Variants in TBC1D31 observed in about 807,000 individuals in gnomAD.
The protein encoded by TBC1D31 is TBC1 domain family member 31.
A neutral mutation model predicts 132.9 loss-of-function variants in TBC1D31; 99 were observed. That is an observed-to-expected ratio of 0.74 (90% CI 0.63 to 0.88). The LOEUF is 0.88. TBC1D31 is among the 40% of genes least tolerant of loss of function. TBC1D31 has a pLI of 0.00. For missense variants in TBC1D31, 1,134 were observed against 1,256.6 expected (o/e 0.90, Z 1.48); for synonymous variants, 385 against 419.4 (o/e 0.92, Z 1.00).
rs199949772 is a variant in TBC1D31, at chr8:123,133,968, CTT to C, written c.2407-144_2407-143del. 1.5e-3 allele frequency: 821 copies of C among 535,924 alleles called. 6 individuals carry two copies. The highest frequency in any genetic ancestry group is 0.014 in the African/African-American group (746 of 52,044). 33.2% of individuals were successfully genotyped at this position (535,924 alleles called of 1,614,324 possible). A position where few individuals can be genotyped will look rare whatever the true frequency, so the allele number is the denominator to read the frequency against. ...CCTAGGTTCTGCAGTGAATATTAAT[CTT>C]TGTCTGTTACTCTGGTTTCAAAAAC... is the stretch of plus-strand genomic sequence containing the variant. On this transcript the variant is annotated intron_variant, in intron 16 of 21. Transcript: ENST00000287380.
At chr8:123,132,659 C>G (rs1274487297) in intron 16 of TBC1D31, among the ~76,000 whole-genome samples, 1 of 151,878 alleles carries the variant, frequency 6.6e-6, no homozygotes, top group Admixed American at 6.6e-5. Flanking sequence ...AGTGGTCTGC[C>G]CACCTTGGCC....
the TBC1D31 span, among the ~76,000 whole-genome samples, chr8:123,161,056 G>A: frequency 6.6e-6 from 1 of 152,148 alleles, no homozygotes; most frequent in African/African-American, 2.4e-5. Context: ...GCCGCGCAGG[G>A]AGGCTCCTGC....
Position 123,150,134 on chromosome 8 carries a change from T to C in TBC1D31, c.3067+6T>C, listed in dbSNP as rs140674598. ...AATGGATCCCTCAACACAGAGTAAGTTGATAAGCAAGAAAATGTTATTCTG... is the reference window on the plus strand; with the variant it reads ...AATGGATCCCTCAACACAGAGTAAGCTGATAAGCAAGAAAATGTTATTCTG... On this transcript the variant is annotated splice_donor_region_variant and intron_variant, in intron 21 of 21. Transcript: ENST00000287380. The C allele has an allele frequency of 6.2e-7, 1 of 1,600,408 alleles. No individual in the cohort carries two copies. The highest frequency in any genetic ancestry group is 1.1e-5 in the South Asian group (1 of 90,400).
intron 10 of TBC1D31, among the ~76,000 whole-genome samples, chr8:123,110,491 G>A (rs1474223425): frequency 6.6e-6 from 1 of 152,116 alleles, no homozygotes; most frequent in African/African-American, 2.4e-5. Context: ...AGGTTCCAGA[G>A]CCGAAGACTT....
intron 10 of TBC1D31, among the ~76,000 whole-genome samples, chr8:123,119,105 A>G (rs1278597933): frequency 2.6e-5 from 4 of 152,226 alleles, no homozygotes; most frequent in Admixed American, 6.5e-5. Flanking sequence ...ACGTTGAAGT[A>G]CCATTTCTCA....
At chr8:123,112,358 T>C (rs568080202) in intron 10 of TBC1D31, among the ~76,000 whole-genome samples, 22 of 152,334 alleles carry the variant, frequency 1.4e-4, no homozygotes, top group African/African-American at 4.6e-4. Flanking sequence ...ATAAGGTACA[T>C]TCAGAACAGG....
At chr8:123,073,135 T>C (rs1029501815) in intron 1 of TBC1D31, 4 of 528,116 alleles carry the variant, frequency 7.6e-6, no homozygotes, top group Non-Finnish European at 1.0e-5. Context: ...CTCTCCTGCT[T>C]TTATGATCAC....
chr8:123,087,215 C>T (rs560376453), intron 4 of TBC1D31, among the ~76,000 whole-genome samples: 2 of 152,340 alleles, frequency 1.3e-5, no homozygotes, highest in South Asian at 4.1e-4. Flanking sequence ...AAGGCCGTCT[C>T]CTTAACTCCC....
chr8:123,124,165 A>G (rs1322097093), intron 11 of TBC1D31, among the ~76,000 whole-genome samples: 1 of 152,054 alleles, frequency 6.6e-6, no homozygotes. Context: ...GCTAAGCACT[A>G]GCACTGCTGG....
At chr8:123,135,724 T>C (rs530980665) in intron 17 of TBC1D31, among the ~76,000 whole-genome samples, 55 of 152,346 alleles carry the variant, frequency 3.6e-4, no homozygotes, top group African/African-American at 1.3e-3. Flanking sequence ...TATAACACTT[T>C]TAAAGTCTCC....
downstream of TBC1D31, among the ~76,000 whole-genome samples, chr8:123,152,570 G>C (rs971734285): frequency 6.6e-6 from 1 of 152,096 alleles, no homozygotes; most frequent in Non-Finnish European, 1.5e-5. Flanking sequence ...TTGATATGAC[G>C]ATTCAGTAAG....
chr8:123,138,228 T>G (rs1034302818), intron 17 of TBC1D31, among the ~76,000 whole-genome samples: 1 of 152,242 alleles, frequency 6.6e-6, no homozygotes, highest in Admixed American at 6.5e-5. Context: ...TGGCTACATA[T>G]TTTTGTAACT....
downstream of TBC1D31, among the ~76,000 whole-genome samples, chr8:123,152,927 T>C (rs571873836): frequency 8.5e-5 from 13 of 152,260 alleles, no homozygotes; most frequent in African/African-American, 3.1e-4. Context: ...TGACACATAG[T>C]AAGTATATAA....
At chr8:123,112,830 G>C (rs1286864962) in intron 10 of TBC1D31, among the ~76,000 whole-genome samples, 9 of 152,144 alleles carry the variant, frequency 5.9e-5, no homozygotes, top group Non-Finnish European at 1.2e-4. Context: ...TTAGAGATGG[G>C]AATTTGCTTA....
At position 123,089,918 on chromosome 8, in the gene TBC1D31, A is replaced by G. The variant is rs557087833; in HGVS notation, c.520-3673A>G. Among the ~76,000 whole-genome samples, 4 of 152,366 alleles carry G rather than the reference A, an allele frequency of 2.6e-5. No individual in the cohort carries two copies. In the South Asian group the frequency reaches 8.3e-4, roughly 32 times the overall value. ...TGCCCCAGGTCTCCTAAAGTTCTAC[A>G]TAATGTTATAGAATATACATCATAC... is the stretch of plus-strand genomic sequence containing the variant. On this transcript the variant is annotated intron_variant, in intron 4 of 21. Transcript: ENST00000287380.
chr8:123,120,521 A>G (rs1162877215), intron 11 of TBC1D31, among the ~76,000 whole-genome samples: 1 of 151,954 alleles, frequency 6.6e-6, no homozygotes, highest in East Asian at 1.9e-4. Context: ...AAAATACAAA[A>G]ATTAGCCGGG....
chr8:123,078,843 A>AC (rs34123242), intron 2 of TBC1D31, among the ~76,000 whole-genome samples: 43,196 of 151,768 alleles, frequency 0.28, 6,377 homozygotes, highest in Non-Finnish European at 0.32. Flanking sequence ...GTCACAAAGT[A>AC]CCCCCCCACA....
chr8:123,076,565 T>A (rs2130610613), intron 1 of TBC1D31, among the ~76,000 whole-genome samples: 1 of 152,308 alleles, frequency 6.6e-6, no homozygotes, highest in South Asian at 2.1e-4. Context: ...CTTTTGTGTG[T>A]TGTAGGCCAG....
downstream of TBC1D31, among the ~76,000 whole-genome samples, chr8:123,157,114 G>A (rs1352277163): frequency 6.6e-6 from 1 of 152,212 alleles, no homozygotes; most frequent in East Asian, 1.9e-4. Context: ...AGGTTCACCT[G>A]GTCCCAGGAC....
Sources: allele counts gnomAD v4.1 joint callset (sites outside exome capture counted in the v4.1 genomes callset), GRCh38; gene constraint gnomAD v4.1.1; transcripts MANE v1.5; gene names NCBI Gene and HGNC (gene_info 2026-07-23, HGNC 2026-07-21).